The following COX10 variants were observed in gnomAD, a reference collection of about 807,000 sequenced individuals.
The protein encoded by COX10 is cytochrome c oxidase assembly factor heme A:farnesyltransferase COX10, also known as protoheme IX farnesyltransferase, mitochondrial.
Under a neutral mutation model 37.3 loss-of-function variants are expected in COX10, and 27 were observed. The ratio of observed to expected loss-of-function variants is 0.72; its 90% CI spans 0.53 to 1.00. The LOEUF (loss-of-function observed/expected upper bound fraction) is 1.00, where lower values mean the gene tolerates loss of function less well. Among genes scored for constraint, COX10 ranks in the 50% least tolerant of loss-of-function variants. COX10 has a pLI of 0.00. For missense variants in COX10, 475 were observed against 563.2 expected (o/e 0.84, Z 1.59); for synonymous variants, 222 against 229.1 (o/e 0.97, Z 0.28).
At chr17:14,202,991 G>C (rs1393710037) in intron 6 of COX10, among the ~76,000 whole-genome samples, 2 of 152,118 alleles carry the variant, frequency 1.3e-5, no homozygotes, top group Non-Finnish European at 2.9e-5. Context: ...CACCCGCATT[G>C]CATTACCCTG....
intron 4 of COX10, among the ~76,000 whole-genome samples, chr17:14,107,647 C>T (rs1353568541): frequency 6.6e-6 from 1 of 151,196 alleles, no homozygotes; most frequent in Non-Finnish European, 1.5e-5. Flanking sequence ...TCTTGCTCTA[C>T]TGTCAGCCTA....
chr17:14,077,181 T>A, intron 3 of COX10, 125 bp downstream of exon 3: 1 of 853,174 alleles, frequency 1.2e-6, no homozygotes, highest in Admixed American at 2.8e-5. Flanking sequence ...GTATTTTTCC[T>A]CTCTTCAATT....
In COX10 at chr17:14,177,178, C is replaced by G. The variant is rs542238004; in HGVS notation, c.696-14811C>G. 4.4e-6 allele frequency: 3 copies of G among 688,282 alleles called. No individual in the cohort carries two copies. In the South Asian group the frequency reaches 4.7e-5, roughly 11 times the overall value. 42.6% of individuals were successfully genotyped at this position (688,282 alleles called of 1,614,324 possible). A position where few individuals can be genotyped will look rare whatever the true frequency, so the allele number is the denominator to read the frequency against. ...TCACACTGCTGGGAGAGGAATGTCT[C>G]GTCTTCTTCATCTGGTTGCCTCCGT... On this transcript the variant is annotated intron_variant, in intron 5 of 6. Coordinates refer to ENST00000261643, the MANE Select transcript of COX10 (RefSeq NM_001303.4).
intron 6 of COX10, among the ~76,000 whole-genome samples, chr17:14,198,315 A>G (rs1359138680): frequency 1.3e-5 from 2 of 152,198 alleles, no homozygotes; most frequent in Non-Finnish European, 1.5e-5. Flanking sequence ...TCCAGAGACT[A>G]TTAGTGTATC....
chr17:14,124,254 T>G (rs1055825122), intron 4 of COX10, among the ~76,000 whole-genome samples: 5 of 152,182 alleles, frequency 3.3e-5, no homozygotes, highest in Non-Finnish European at 5.9e-5. Context: ...GCACAAAATT[T>G]GTGACTTGTA....
At chr17:14,161,425 A>G (rs980926261) in intron 5 of COX10, among the ~76,000 whole-genome samples, 2 of 152,212 alleles carry the variant, frequency 1.3e-5, no homozygotes, top group Non-Finnish European at 2.9e-5. Context: ...AAGGAGGTGC[A>G]TATGGATGCC....
At chr17:14,114,683 A>G (rs185905300) in intron 4 of COX10, among the ~76,000 whole-genome samples, 58 of 152,268 alleles carry the variant, frequency 3.8e-4, no homozygotes, top group Admixed American at 1.1e-3. Context: ...TGAAAGACCT[A>G]TAGTCATATC....
intron 6 of COX10, among the ~76,000 whole-genome samples, chr17:14,192,823 A>C (rs1307193458): frequency 1.3e-5 from 2 of 152,194 alleles, no homozygotes; most frequent in African/African-American, 4.8e-5. Context: ...GAAGTTTCAC[A>C]GTCTAATTAG....
chr17:14,090,135 A>G (rs1468798985), intron 3 of COX10, among the ~76,000 whole-genome samples: 1 of 151,900 alleles, frequency 6.6e-6, no homozygotes, highest in Non-Finnish European at 1.5e-5. Context: ...ATCTCCCTCT[A>G]TCTACTATGT....
At chr17:14,126,617 A>T (rs567727378) in intron 4 of COX10, among the ~76,000 whole-genome samples, 1 of 152,152 alleles carries the variant, frequency 6.6e-6, no homozygotes, top group Non-Finnish European at 1.5e-5. Flanking sequence ...GACAGTGGTC[A>T]CAGTTTTGTT....
At chr17:14,100,812 A>G (rs981870850) in intron 3 of COX10, among the ~76,000 whole-genome samples, 3 of 119,406 alleles carry the variant, frequency 2.5e-5, no homozygotes, top group Non-Finnish European at 3.5e-5. Flanking sequence ...CAAGGAGACC[A>G]GTTAGGGGGT....
At chr17:14,173,402 C>T (rs753477527) in intron 5 of COX10, among the ~76,000 whole-genome samples, 1 of 152,242 alleles carries the variant, frequency 6.6e-6, no homozygotes, top group Non-Finnish European at 1.5e-5. Context: ...ACAAAATGAA[C>T]ATCAAGATAG....
At chr17:14,128,044 C>T (rs1431022885) in intron 4 of COX10, among the ~76,000 whole-genome samples, 1 of 151,326 alleles carries the variant, frequency 6.6e-6, no homozygotes, top group Admixed American at 6.6e-5. Flanking sequence ...GCATATAAAT[C>T]TGATTTATCT....
chr17:14,206,809 G>A lies in COX10; in HGVS notation c.929-1G>A. Reference sequence around the variant, plus strand: ...CCTCTCCTTCCCTGACCCCCGCACAGGCGCATTTCTCCTGGGAGGAATCCT... The same window carrying A: ...CCTCTCCTTCCCTGACCCCCGCACAAGCGCATTTCTCCTGGGAGGAATCCT... On this transcript the variant is annotated splice_acceptor_variant, in intron 6 of 6. Transcript: ENST00000261643. LOFTEE classifies it high-confidence loss of function. 6.2e-7 allele frequency: 1 copy of A among 1,613,912 alleles called. No homozygotes were observed. The highest frequency in any genetic ancestry group is 8.5e-7 in the Non-Finnish European group (1 of 1,179,900).
chr17:14,182,038 C>T, intron 5 of COX10: 1 of 981,184 alleles, frequency 1.0e-6, no homozygotes, highest in Non-Finnish European at 1.2e-6. Context: ...TTCTTCTCAT[C>T]CTTCTAGATT....
intron 4 of COX10, among the ~76,000 whole-genome samples, chr17:14,126,880 A>G (rs78099560): frequency 0.014 from 2,081 of 152,246 alleles, 19 homozygotes; most frequent in Non-Finnish European, 0.024. Flanking sequence ...TTTACTTTAA[A>G]TATTAATCAG....
At chr17:14,169,887 A>T (rs1271566150) in intron 5 of COX10, among the ~76,000 whole-genome samples, 1 of 152,144 alleles carries the variant, frequency 6.6e-6, no homozygotes, top group African/African-American at 2.4e-5. Context: ...ATGGGATCAG[A>T]TTCTTCATGA....
chr17:14,187,370 G>T (rs921084847), intron 5 of COX10, among the ~76,000 whole-genome samples: 1 of 152,080 alleles, frequency 6.6e-6, no homozygotes, highest in African/African-American at 2.4e-5. Flanking sequence ...AATTAATTGT[G>T]GTATATCCAA....
intron 1 of COX10, among the ~76,000 whole-genome samples, chr17:14,071,582 A>G (rs1915022244): frequency 6.6e-6 from 1 of 152,036 alleles, no homozygotes; most frequent in African/African-American, 2.4e-5. Context: ...TTTTACAGCC[A>G]TTTAAAAACT....
Sources: allele counts gnomAD v4.1 joint callset (sites outside exome capture counted in the v4.1 genomes callset), GRCh38; gene constraint gnomAD v4.1.1; transcripts MANE v1.5; gene names NCBI Gene and HGNC (gene_info 2026-07-23, HGNC 2026-07-21).